FRY: variants seen among roughly 807,000 people sequenced by gnomAD.
The protein encoded by FRY is protein furry homolog.
FRY carries 128 observed loss-of-function variants against 348.4 expected under a neutral mutation model. That is an observed-to-expected ratio of 0.37 (90% CI 0.32 to 0.43). The LOEUF is 0.43. FRY is among the 20% of genes least tolerant of loss of function. FRY has a pLI of 1.00. For missense variants in FRY, 2,736 were observed against 3,695.2 expected (o/e 0.74, Z 6.73); for synonymous variants, 1,370 against 1,374.7 (o/e 1.00, Z 0.08).
intron 50 of FRY, 24 bp downstream of exon 50, chr13:32,251,976 T>G (rs1195868251): frequency 2.0e-6 from 3 of 1,508,418 alleles, no homozygotes; most frequent in Non-Finnish European, 2.8e-6. Context: ...TGTGTCATAG[T>G]TATTTTGGTG....
chr13:32,249,748 G>T, intron 49 of FRY, 61 bp downstream of exon 49: 1 of 1,427,174 alleles, frequency 7.0e-7, no homozygotes, highest in South Asian at 1.2e-5. Context: ...AGTCCATGTG[G>T]CTGGGTCATA....
At chr13:32,142,224 G>A (rs924767031) in intron 11 of FRY, among the ~76,000 whole-genome samples, 1 of 152,158 alleles carries the variant, frequency 6.6e-6, no homozygotes, top group African/African-American at 2.4e-5. Flanking sequence ...AAGTGAAGTG[G>A]AAAATTTAAT....
intron 16 of FRY, among the ~76,000 whole-genome samples, 168 bp downstream of exon 16, chr13:32,157,573 G>A (rs2138166727): frequency 6.6e-6 from 1 of 152,106 alleles, no homozygotes; most frequent in South Asian, 2.1e-4. Context: ...TAAAAATAAG[G>A]TCATATCTGT....
intron 2 of FRY, among the ~76,000 whole-genome samples, chr13:32,093,610 C>T (rs1309754059): frequency 6.6e-6 from 1 of 152,194 alleles, no homozygotes; most frequent in East Asian, 1.9e-4. Context: ...CTATTTCATA[C>T]TGCTTTCTTC....
Position 32,124,795 on chromosome 13 carries a change from G to A in FRY, c.636G>A (p.Gly212=). The stretch of plus-strand genomic sequence containing the variant: ...ACTTGTCTAATTATACCCTACTTAG[G>A]TACCTTGGTCCCAACACTGGCAATA... ...LAFKHFKYKE[G]YLGPNTGNMH... The change falls in exon 7 of 61, where the codon GGG becomes GGA. Residue 212 remains glycine, a splice_region_variant and synonymous_variant. Transcript: ENST00000542859. 1.2e-6 allele frequency: 2 copies of A among 1,608,458 alleles called. No homozygotes were observed. Among genetic ancestry groups the A allele is most frequent in the Non-Finnish European group, 1.7e-6 (2 of 1,174,826 alleles).
intron 16 of FRY, among the ~76,000 whole-genome samples, chr13:32,157,958 T>A (rs561194718): frequency 6.6e-6 from 1 of 152,370 alleles, no homozygotes; most frequent in African/African-American, 2.4e-5. Context: ...AAGTTATAAT[T>A]CTATATTTTA....
intron 60 of FRY, 58 bp downstream of exon 60, chr13:32,294,628 C>A: frequency 1.5e-6 from 2 of 1,315,688 alleles, no homozygotes; most frequent in Non-Finnish European, 2.2e-6. Context: ...GGTTGTTACT[C>A]TGTCATGGTT....
intron 2 of FRY, among the ~76,000 whole-genome samples, chr13:32,085,116 G>A (rs1320757687): frequency 6.6e-6 from 1 of 152,130 alleles, no homozygotes; most frequent in Non-Finnish European, 1.5e-5. Flanking sequence ...ACAGATGAAT[G>A]CCCTAAAATG....
chr13:32,161,290 C>T (rs368228628), intron 17 of FRY, 39 bp downstream of exon 17: 1,399 of 1,214,862 alleles, frequency 1.2e-3, no homozygotes, highest in Non-Finnish European at 1.6e-3. Flanking sequence ...TAATTTCGAT[C>T]CTTTGTTGTG....
intron 16 of FRY, 58 bp downstream of exon 16, chr13:32,157,463 G>C: frequency 6.7e-7 from 1 of 1,491,712 alleles, no homozygotes; most frequent in Non-Finnish European, 9.3e-7. Flanking sequence ...CACAAGTAGA[G>C]AGTATTCTCA....
intron 2 of FRY, among the ~76,000 whole-genome samples, chr13:32,084,306 A>G (rs74355226): frequency 0.023 from 3,433 of 152,204 alleles, 41 homozygotes; most frequent in Non-Finnish European, 0.035. Context: ...AACCCTGTCC[A>G]TTACATTTCT....
At chr13:32,076,520 A>C (rs767512455) in intron 1 of FRY, among the ~76,000 whole-genome samples, 1 of 152,164 alleles carries the variant, frequency 6.6e-6, no homozygotes, top group Non-Finnish European at 1.5e-5. Context: ...CTTGATTTTC[A>C]ATATGCCCCT....
intron 59 of FRY, among the ~76,000 whole-genome samples, chr13:32,290,817 T>A (rs902375042): frequency 6.6e-6 from 1 of 151,082 alleles, no homozygotes; most frequent in African/African-American, 2.4e-5. Flanking sequence ...ATGAAACTAA[T>A]GGGGGGATGA....
intron 2 of FRY, among the ~76,000 whole-genome samples, chr13:32,098,243 A>G (rs1035733418): frequency 6.6e-6 from 1 of 152,086 alleles, no homozygotes; most frequent in Admixed American, 6.5e-5. Context: ...TTCAAAGTAT[A>G]CTATTTAGAT....
At chr13:32,058,176 G>A (rs769802911) in intron 1 of FRY, among the ~76,000 whole-genome samples, 2 of 152,094 alleles carry the variant, frequency 1.3e-5, no homozygotes, top group African/African-American at 4.8e-5. Context: ...CATTAATATA[G>A]TTTAAAATAT....
chr13:32,184,618 C>T lies in FRY; in HGVS notation c.3073C>T (p.Arg1025Trp). Residue 1025 changes from arginine (R) to tryptophan (W), a missense_variant, in exon 25 of 61, where the codon CGG (arginine) becomes TGG (tryptophan). Physicochemically the swap from Arg to Trp is moderately radical, Grantham distance 101. This residue lies in a region of FRY where 449 missense variants were observed against 576.9 expected (regional missense o/e 0.78). Transcript: ENST00000542859. Reference sequence around the variant, plus strand: ...TACACAGAACAAGAAACGCCGAGAACGGCGAGACTTGTTAAGGCTACAACT... The same window carrying T: ...TACACAGAACAAGAAACGCCGAGAATGGCGAGACTTGTTAAGGCTACAACT... ...RRPENKKRRE[R>W]RDLLRLQLLR... The T allele has an allele frequency of 1.9e-6, 3 of 1,612,512 alleles. No individual in the cohort carries two copies. Among genetic ancestry groups the T allele is most frequent in the Non-Finnish European group, 1.7e-6 (2 of 1,178,482 alleles).
At chr13:32,146,934 CA>C (rs1481943115) in intron 11 of FRY, among the ~76,000 whole-genome samples, 1 of 152,094 alleles carries the variant, frequency 6.6e-6, no homozygotes, top group South Asian at 2.1e-4. Flanking sequence ...ACATAATCAA[CA>C]ATAAAAAGAA....
At chr13:32,255,420 C>T (rs1004103247) in intron 51 of FRY, among the ~76,000 whole-genome samples, 3 of 152,130 alleles carry the variant, frequency 2.0e-5, no homozygotes, top group Non-Finnish European at 2.9e-5. Context: ...TTGACCAACC[C>T]GCCTATGTCT....
intron 20 of FRY, among the ~76,000 whole-genome samples, chr13:32,177,535 AGT>A (rs1882440244): frequency 6.6e-6 from 1 of 152,106 alleles, no homozygotes; most frequent in Admixed American, 6.6e-5. Context: ...CGGAGGTGGC[AGT>A]GAGCCAAGAT....
Sources: gnomAD v4.1 joint callset for allele counts (sites outside exome capture counted in the v4.1 genomes callset) on GRCh38, gnomAD v4.1.1 for gene constraint, gnomAD v4.1.1 regional missense constraint, MANE v1.5 for transcripts, NCBI Gene and HGNC (gene_info 2026-07-23, HGNC 2026-07-21) for gene names.